Variants in LEF1 observed in about 807,000 individuals in gnomAD.
LEF1 encodes lymphoid enhancer binding factor 1.
In LEF1, 14 loss-of-function variants were observed where a neutral mutation model predicts 51.2. The ratio of observed to expected loss-of-function variants is 0.27; its 90% CI spans 0.18 to 0.43. The LOEUF (loss-of-function observed/expected upper bound fraction) is 0.43. LEF1 is among the 20% of genes least tolerant of loss of function. The probability of loss-of-function intolerance (pLI) is 1.00; values close to 1 mark genes in which losing one functional copy is unlikely to be tolerated. For synonymous variants in LEF1, 185 were observed against 183.2 expected (o/e 1.01, Z -0.08); for missense variants, 386 against 512.0 (o/e 0.75, Z 2.37).
chr4:108,110,814 C>T (rs554650155), intron 3 of LEF1, among the ~76,000 whole-genome samples: 2 of 152,182 alleles, frequency 1.3e-5, no homozygotes, highest in Non-Finnish European at 2.9e-5. Context: ...AATTCACAGC[C>T]CTTCATGGCT....
intron 9 of LEF1, among the ~76,000 whole-genome samples, chr4:108,064,651 TCA>T (rs1185650328): frequency 5.8e-4 from 77 of 132,472 alleles, no homozygotes; most frequent in African/African-American, 2.1e-3. Context: ...TCTCTCTCTC[TCA>T]CTCACACACA....
intron 11 of LEF1, among the ~76,000 whole-genome samples, chr4:108,052,730 C>G (rs1737083119): frequency 6.6e-6 from 1 of 152,134 alleles, no homozygotes; most frequent in Non-Finnish European, 1.5e-5. Flanking sequence ...AGTCCCAGTG[C>G]TGGGCTGTTC....
chr4:108,070,090 T>C (rs1738360425), intron 9 of LEF1, among the ~76,000 whole-genome samples: 1 of 152,004 alleles, frequency 6.6e-6, no homozygotes, highest in Non-Finnish European at 1.5e-5. Flanking sequence ...ATTGAAGGAA[T>C]ATTTACATTT....
chr4:108,069,923 A>G (rs1164933462), intron 9 of LEF1, among the ~76,000 whole-genome samples: 1 of 149,090 alleles, frequency 6.7e-6, no homozygotes, highest in Non-Finnish European at 1.5e-5. Context: ...ATGCCACCGC[A>G]CTCCAGCCTG....
chr4:108,050,601 T>G (rs1736915652), intron 11 of LEF1, among the ~76,000 whole-genome samples: 1 of 152,192 alleles, frequency 6.6e-6, no homozygotes, highest in Non-Finnish European at 1.5e-5. Flanking sequence ...CATTATAATT[T>G]TGCATCACAG....
intron 11 of LEF1, among the ~76,000 whole-genome samples, chr4:108,053,950 G>A (rs764220939): frequency 8.5e-5 from 13 of 152,320 alleles, no homozygotes; most frequent in Admixed American, 6.5e-4. Context: ...CACTAAAGAT[G>A]TTAAGTTCAC....
intron 3 of LEF1, among the ~76,000 whole-genome samples, chr4:108,109,907 A>G (rs1741416943): frequency 6.6e-6 from 1 of 152,192 alleles, no homozygotes; most frequent in South Asian, 2.1e-4. Context: ...CCAGCCTCAT[A>G]ATTAAAAAGA....
intron 11 of LEF1, among the ~76,000 whole-genome samples, chr4:108,051,912 T>C (rs1185960453): frequency 6.6e-6 from 1 of 152,174 alleles, no homozygotes; most frequent in Admixed American, 6.5e-5. Context: ...GCACCGACCC[T>C]GGGCCAATAG....
chr4:108,054,874 TTTTAA>T (rs1383494332), intron 11 of LEF1, among the ~76,000 whole-genome samples: 1 of 152,240 alleles, frequency 6.6e-6, no homozygotes, highest in Admixed American at 6.5e-5. Flanking sequence ...TTTTTAATGC[TTTTAA>T]TTTTTCTTTC....
At chr4:108,116,726 G>C (rs1006929855) in intron 3 of LEF1, among the ~76,000 whole-genome samples, 1 of 152,164 alleles carries the variant, frequency 6.6e-6, no homozygotes, top group Non-Finnish European at 1.5e-5. Context: ...GGTGAACCTG[G>C]GTGTGAATCT....
chr4:108,058,555 G>T (rs1405416055), intron 11 of LEF1, among the ~76,000 whole-genome samples: 1 of 151,988 alleles, frequency 6.6e-6, no homozygotes, highest in Admixed American at 6.5e-5. Context: ...CTATTACTGT[G>T]CTATCAAACC....
rs185418075 is a variant in LEF1 at position 108,125,189 on chromosome 4, A to T, written c.415-35932T>A. Among the ~76,000 whole-genome samples, 492 of 151,966 alleles carry T rather than the reference A, an allele frequency of 3.2e-3. 2 individuals carry two copies. The highest frequency in any genetic ancestry group is 5.2e-3 in the Non-Finnish European group (354 of 67,938). On this transcript the variant is annotated intron_variant, in intron 3 of 11. Transcript: ENST00000265165. ...TTTTATTTATTTATTTTTGAGGCAG[A>T]GTCTTGCTCTATCGCCCAGGCTGGA...
chr4:108,051,976 C>G (rs1737027341), intron 11 of LEF1, among the ~76,000 whole-genome samples: 1 of 152,200 alleles, frequency 6.6e-6, no homozygotes, highest in South Asian at 2.1e-4. Context: ...GAAACTCCTT[C>G]TCTCTAAGCC....
intron 9 of LEF1, among the ~76,000 whole-genome samples, chr4:108,065,353 C>T (rs575742817): frequency 3.0e-4 from 45 of 152,250 alleles, no homozygotes; most frequent in Middle Eastern, 3.4e-3. Flanking sequence ...GGCGTGGTGG[C>T]GTGCGCCTGT....
chr4:108,109,208 A>C (rs777017116), intron 3 of LEF1, among the ~76,000 whole-genome samples: 6 of 152,248 alleles, frequency 3.9e-5, no homozygotes, highest in Admixed American at 6.5e-5. Flanking sequence ...ACTCCTTGTA[A>C]GGCCATCAAC....
At chr4:108,143,138 C>T (rs1743776242) in intron 3 of LEF1, among the ~76,000 whole-genome samples, 1 of 152,168 alleles carries the variant, frequency 6.6e-6, no homozygotes, top group South Asian at 2.1e-4. Context: ...GTAAGGTACC[C>T]AACTGTAAAT....
chr4:108,111,215 G>T (rs1396520274), intron 3 of LEF1, among the ~76,000 whole-genome samples: 1 of 152,214 alleles, frequency 6.6e-6, no homozygotes, highest in East Asian at 1.9e-4. Flanking sequence ...CCAGGTGGTT[G>T]TGACAGTCTC....
At chr4:108,080,303 C>T (rs1739198368) in intron 6 of LEF1, among the ~76,000 whole-genome samples, 1 of 152,040 alleles carries the variant, frequency 6.6e-6, no homozygotes, top group Admixed American at 6.6e-5. Context: ...AGGGAAACTG[C>T]CAGGCAAGAA....
intron 8 of LEF1, among the ~76,000 whole-genome samples, chr4:108,071,248 T>A (rs1391918964): frequency 6.6e-6 from 1 of 152,226 alleles, no homozygotes; most frequent in African/African-American, 2.4e-5. Flanking sequence ...CATTTTGTCA[T>A]ATGAAGAGCC....
Sources: gnomAD v4.1 joint callset for allele counts (sites outside exome capture counted in the v4.1 genomes callset) on GRCh38, gnomAD v4.1.1 for gene constraint, MANE v1.5 for transcripts, NCBI Gene and HGNC (gene_info 2026-07-23, HGNC 2026-07-21) for gene names.